PRDM2: variants seen among roughly 807,000 people sequenced by gnomAD.
The protein encoded by PRDM2 is PR domain zinc finger protein 2.
A neutral mutation model predicts 130.0 loss-of-function variants in PRDM2; 30 were observed. The ratio of observed to expected loss-of-function variants is 0.23; its 90% CI spans 0.17 to 0.31. PRDM2 has a LOEUF of 0.31. PRDM2 is among the 10% of genes least tolerant of loss of function. PRDM2 has a pLI of 1.00. For synonymous variants in PRDM2, 871 were observed against 782.4 expected, an observed-to-expected ratio of 1.11 and a Z score of -1.89; for missense variants, 2,011 against 2,108.4, an observed-to-expected ratio of 0.95 and a Z score of 0.90.
intron 9 of PRDM2, among the ~76,000 whole-genome samples, chr1:13,818,828 C>T (rs1269816437): frequency 1.3e-5 from 2 of 152,062 alleles, no homozygotes; most frequent in Non-Finnish European, 2.9e-5. Context: ...CTCTCTGGGG[C>T]CGGCTGCTCC....
At chr1:13,713,485 C>A (rs1642434507) in intron 1 of PRDM2, among the ~76,000 whole-genome samples, 1 of 152,190 alleles carries the variant, frequency 6.6e-6, no homozygotes, top group Non-Finnish European at 1.5e-5. Flanking sequence ...AGCACAGTGC[C>A]TGCAAGTCCT....
intron 9 of PRDM2, among the ~76,000 whole-genome samples, chr1:13,822,412 TTGAGACAGAGTCTC>T (rs1278261860): frequency 6.6e-6 from 1 of 151,170 alleles, no homozygotes; most frequent in African/African-American, 2.4e-5. Flanking sequence ...TTTTTTTTTT[TTGAGACAGAGTCTC>T]GCTCTGTCTC....
At chr1:13,712,552 C>T (rs1330675482) in intron 1 of PRDM2, among the ~76,000 whole-genome samples, 2 of 152,040 alleles carry the variant, frequency 1.3e-5, no homozygotes, top group Non-Finnish European at 2.9e-5. Context: ...TTTGGGTGCT[C>T]GAGACCATCA....
intron 2 of PRDM2, among the ~76,000 whole-genome samples, chr1:13,723,597 G>A (rs1307982455): frequency 6.6e-6 from 1 of 152,178 alleles, no homozygotes; most frequent in African/African-American, 2.4e-5. Context: ...TGTGCTTGGT[G>A]CCTCTTTGGC....
intron 8 of PRDM2, among the ~76,000 whole-genome samples, chr1:13,801,569 C>T (rs1645007203): frequency 6.6e-6 from 1 of 152,188 alleles, no homozygotes; most frequent in African/African-American, 2.4e-5. Flanking sequence ...GGCAAGTTGC[C>T]TAACTTCTCT....
At chr1:13,720,587 GGCAGAATCAGGACTT>G (rs748837307) in intron 2 of PRDM2, among the ~76,000 whole-genome samples, 1 of 151,994 alleles carries the variant, frequency 6.6e-6, no homozygotes, top group Non-Finnish European at 1.5e-5. Context: ...TATTCTACAG[GGCAGAATCAGGACTT>G]GGTTACTGGT....
intron 6 of PRDM2, among the ~76,000 whole-genome samples, chr1:13,761,524 T>C (rs1012069779): frequency 1.3e-5 from 2 of 152,154 alleles, no homozygotes; most frequent in African/African-American, 4.8e-5. Flanking sequence ...GTCGCACAGG[T>C]ACATTCCTTC....
intron 1 of PRDM2, among the ~76,000 whole-genome samples, chr1:13,702,466 T>TA (rs1642098422): frequency 6.6e-6 from 1 of 152,222 alleles, no homozygotes; most frequent in South Asian, 2.1e-4. Flanking sequence ...CAGTGAAAAA[T>TA]ATAAATTCTG....
intron 4 of PRDM2, among the ~76,000 whole-genome samples, chr1:13,733,157 C>T (rs112563139): frequency 3.4e-4 from 51 of 152,204 alleles, no homozygotes; most frequent in African/African-American, 1.1e-3. Context: ...CAACTAAGAC[C>T]GTGACTTCCT....
chr1:13,716,462 A>T (rs912620412), intron 2 of PRDM2, among the ~76,000 whole-genome samples: 10 of 151,956 alleles, frequency 6.6e-5, no homozygotes, highest in African/African-American at 2.2e-4. Context: ...ATAAAAAAAT[A>T]AAAAAAAGAG....
intron 2 of PRDM2, among the ~76,000 whole-genome samples, chr1:13,726,485 G>A (rs927501498): frequency 2.0e-5 from 3 of 152,190 alleles, no homozygotes; most frequent in African/African-American, 7.2e-5. Flanking sequence ...TCCTAGCATG[G>A]TGCTAGCTCT....
rs751847697 is a variant in PRDM2 at position 13,782,267 on chromosome 1, C to T, written c.4472C>T (p.Ser1491Phe). 6.2e-7 allele frequency: 1 copy of T among 1,613,742 alleles called. No homozygotes were observed. The highest frequency in any genetic ancestry group is 1.3e-5 in the African/African-American group (1 of 74,854). ...KPLSPPKKKVSHSSKKGGHSS... is the reference protein window; with the variant it reads ...KPLSPPKKKVFHSSKKGGHSS... ...CTTTCTCCTCCCAAAAAAAAAGTTT[C>T]TCATTCATCTAAGAAAGGTGGACAC... The change falls in exon 8 of 10, where the codon TCT (serine) becomes TTT (phenylalanine). Residue 1491 changes from serine (S) to phenylalanine (F), a missense_variant. By Grantham distance (155) the Ser-to-Phe change is radical (BLOSUM62 -2). Transcript: ENST00000311066.
chr1:13,780,714 TC>T lies in PRDM2; in HGVS notation c.2921del (p.Pro974HisfsTer7). On this transcript the variant is annotated frameshift_variant, in exon 8 of 10. Transcript: ENST00000311066. LOFTEE classifies it high-confidence loss of function. The stretch of plus-strand genomic sequence containing the variant: ...TGATCCCCACAGATCCCTCTTCCCC[TC>T]CACCCTGTCCCCCGGTATTAACTGT... ...LLIPTDPSSP[P>X]PCPPVLTVAT... 1.3e-6 allele frequency: 2 copies of T among 1,584,606 alleles called. No homozygotes were observed. Among genetic ancestry groups the T allele is most frequent in the South Asian group, 1.1e-5 (1 of 88,672 alleles).
At chr1:13,792,777 A>T (rs944383902) in intron 8 of PRDM2, among the ~76,000 whole-genome samples, 12 of 152,356 alleles carry the variant, frequency 7.9e-5, no homozygotes, top group African/African-American at 2.9e-4. Context: ...CTGGAGTGTC[A>T]CTGGCCTTTC....
At chr1:13,770,949 C>T (rs899170692) in intron 6 of PRDM2, among the ~76,000 whole-genome samples, 3 of 152,108 alleles carry the variant, frequency 2.0e-5, no homozygotes, top group Non-Finnish European at 4.4e-5. Flanking sequence ...TGTGGGTGGG[C>T]GATAAGCATT....
chr1:13,752,752 G>A (rs532546078), intron 6 of PRDM2, among the ~76,000 whole-genome samples: 5 of 152,178 alleles, frequency 3.3e-5, no homozygotes, highest in Non-Finnish European at 5.9e-5. Flanking sequence ...GGGCTTAGTG[G>A]AAGGAATGAA....
chr1:13,704,223 A>G (rs1186178054), intron 1 of PRDM2, among the ~76,000 whole-genome samples: 1 of 152,216 alleles, frequency 6.6e-6, no homozygotes, highest in African/African-American at 2.4e-5. Flanking sequence ...CACTGGAATG[A>G]ATGCATGTGT....
Position 13,749,504 on chromosome 1 carries a change from C to CCGCCCGCCCGGCCCCGGCGCCA in PRDM2, c.511+27_511+48dup, listed in dbSNP as rs1643738949. ...GCCGGAAAGGTAGGAGCCCCCCGGC[C>CCGCCCGCCCGGCCCCGGCGCCA]CGCCCGCCCGGCCCCGGCGCCACGC... On this transcript the variant is annotated intron_variant, in intron 6 of 9. Transcript: ENST00000311066. The CCGCCCGCCCGGCCCCGGCGCCA allele has an allele frequency of 4.5e-6, 6 of 1,331,012 alleles. No homozygotes were observed. Among genetic ancestry groups the CCGCCCGCCCGGCCCCGGCGCCA allele is most frequent in the Non-Finnish European group, 5.9e-6 (6 of 1,015,904 alleles). 82.5% of individuals were successfully genotyped at this position (1,331,012 alleles called of 1,614,324 possible).
At chr1:13,768,121 A>G (rs1461909268) in intron 6 of PRDM2, among the ~76,000 whole-genome samples, 1 of 124,768 alleles carries the variant, frequency 8.0e-6, no homozygotes, top group Non-Finnish European at 1.6e-5. Flanking sequence ...TCTGTTGCCC[A>G]GGCTGGAGTC....
Sources: allele counts gnomAD v4.1 joint callset (sites outside exome capture counted in the v4.1 genomes callset), GRCh38; gene constraint gnomAD v4.1.1; transcripts MANE v1.5; gene names NCBI Gene and HGNC (gene_info 2026-07-23, HGNC 2026-07-21).